FBRSL1: variants seen among roughly 807,000 people sequenced by gnomAD.
FBRSL1 encodes fibrosin like 1, also known as fibrosin-1-like protein.
In FBRSL1, 51 loss-of-function variants were observed where a neutral mutation model predicts 89.6. That is an observed-to-expected ratio of 0.57 (90% confidence interval 0.45 to 0.72). FBRSL1 has a LOEUF of 0.72. Among genes scored for constraint, FBRSL1 ranks in the 30% least tolerant of loss-of-function variants. The probability of loss-of-function intolerance (pLI) is 0.00; values close to 1 mark genes in which losing one functional copy is unlikely to be tolerated. For synonymous variants in FBRSL1, 779 were observed against 681.1 expected (o/e 1.14, Z -2.24); for missense variants, 1,618 against 1,451.8 (o/e 1.11, Z -1.86).
chr12:132,576,727 C>T, intron 14 of FBRSL1, 72 bp from the exon 15 acceptor site: 1 of 1,495,088 alleles, frequency 6.7e-7, no homozygotes, highest in Non-Finnish European at 9.0e-7. Context: ...CCCTGTGGCC[C>T]CTCAGGCCTG....
At position 132,546,332 on chromosome 12, in the gene FBRSL1, C is replaced by T. The variant is rs2037681382; in HGVS notation, c.616-1671C>T. ...GTGGCCCAGCCCTTGGTGAGCTCCG[C>T]ACCTGCAGCCTCCGGGGCGGGATGG... On this transcript the variant is annotated intron_variant, in intron 4 of 18. Coordinates refer to ENST00000680143, the MANE Select transcript of FBRSL1 (RefSeq NM_001367871.1). This position sits in a 1 kb window ranked among gnomAD's most constrained non-coding sequence, Gnocchi z 4.0. Among the ~76,000 whole-genome samples the T allele has an allele frequency of 6.6e-6, 1 of 152,272 alleles. No individual in the cohort carries two copies. The highest frequency in any genetic ancestry group is 1.5e-5 in the Non-Finnish European group (1 of 68,048).
intron 4 of FBRSL1, among the ~76,000 whole-genome samples, chr12:132,541,273 CA>C (rs2037244878): frequency 6.6e-6 from 1 of 152,194 alleles, no homozygotes. Context: ...ACGTCAGGTG[CA>C]AATCCACTCA....
At chr12:132,510,341 G>C (rs570377534) in intron 2 of FBRSL1, 1 of 1,231,158 alleles carries the variant, frequency 8.1e-7, no homozygotes, top group Non-Finnish European at 1.0e-6. Context: ...CCCGGCTCTC[G>C]CTCCTGGCCC....
At chr12:132,571,610 A>G in intron 9 of FBRSL1, 1 of 972,584 alleles carries the variant, frequency 1.0e-6, no homozygotes, top group Non-Finnish European at 1.4e-6. Flanking sequence ...ACGCTCGCAC[A>G]CACACCAGCC....
intron 2 of FBRSL1, chr12:132,510,738 G>A (rs1201763569): frequency 1.1e-5 from 13 of 1,203,062 alleles, no homozygotes; most frequent in African/African-American, 6.3e-5. Flanking sequence ...CCCCACTGGC[G>A]TCACAGTGCC....
chr12:132,511,529 G>A (rs2034340591), intron 2 of FBRSL1: 11 of 985,902 alleles, frequency 1.1e-5, no homozygotes, highest in Non-Finnish European at 1.3e-5. Context: ...GTTTGGGGGG[G>A]CTTTGACTGT....
At chr12:132,523,583 C>T (rs1398979856) in intron 2 of FBRSL1, among the ~76,000 whole-genome samples, 2 of 152,200 alleles carry the variant, frequency 1.3e-5, no homozygotes, top group Non-Finnish European at 2.9e-5. Context: ...ACCTCCCTTC[C>T]CATCGGCCAG....
chr12:132,539,137 C>T (rs915821889), intron 4 of FBRSL1, among the ~76,000 whole-genome samples: 3 of 152,096 alleles, frequency 2.0e-5, no homozygotes, highest in Non-Finnish European at 4.4e-5. Context: ...ACACACTGCC[C>T]GGCCCCCACC....
At chr12:132,514,167 G>T (rs928269539) in intron 2 of FBRSL1, among the ~76,000 whole-genome samples, 15 of 152,214 alleles carry the variant, frequency 9.9e-5, no homozygotes, top group African/African-American at 3.6e-4. Flanking sequence ...GAGACAGGCT[G>T]GGATAGCATG....
chr12:132,492,829 C>T (rs2136305962), intron 1 of FBRSL1, among the ~76,000 whole-genome samples: 1 of 152,370 alleles, frequency 6.6e-6, no homozygotes, highest in Middle Eastern at 3.4e-3. Context: ...TGGGAAAGTA[C>T]GGGGCTTCTG....
intron 4 of FBRSL1, among the ~76,000 whole-genome samples, chr12:132,534,514 C>A (rs920658738): frequency 1.3e-5 from 2 of 152,246 alleles, no homozygotes; most frequent in African/African-American, 2.4e-5. Flanking sequence ...CCCTGTCCAC[C>A]TTTTTCTCCT....
chr12:132,537,754 C>A (rs560748714), intron 4 of FBRSL1, among the ~76,000 whole-genome samples: 2 of 152,308 alleles, frequency 1.3e-5, no homozygotes, highest in South Asian at 2.1e-4. Flanking sequence ...ACAGGCAATG[C>A]GGACTTCAGA....
chr12:132,490,916 T>C, intron 1 of FBRSL1, 55 bp downstream of exon 1: 1 of 1,154,450 alleles, frequency 8.7e-7, no homozygotes, highest in Non-Finnish European at 1.1e-6. Flanking sequence ...GGCCCGGAGT[T>C]GACGCGTCGG....
intron 4 of FBRSL1, among the ~76,000 whole-genome samples, chr12:132,545,629 G>A (rs969699386): frequency 6.6e-6 from 1 of 152,210 alleles, no homozygotes; most frequent in African/African-American, 2.4e-5. Flanking sequence ...AACCAGGTCC[G>A]GGCTTGTGGG....
At chr12:132,527,611 GC>G in intron 3 of FBRSL1, among the ~76,000 whole-genome samples, 3 of 150,314 alleles carry the variant, frequency 2.0e-5, no homozygotes. Flanking sequence ...AGGGTTGAGG[GC>G]TGCGGGGCTG....
chr12:132,502,572 C>T (rs1183904273), intron 1 of FBRSL1, among the ~76,000 whole-genome samples: 2 of 152,134 alleles, frequency 1.3e-5, no homozygotes, highest in African/African-American at 4.8e-5. Flanking sequence ...CAGCCTCTTT[C>T]ACCCTCCAGG....
At chr12:132,510,811 G>A in intron 2 of FBRSL1, 1 of 1,117,180 alleles carries the variant, frequency 9.0e-7, no homozygotes, top group Non-Finnish European at 1.1e-6. Context: ...CCTGAGGGCG[G>A]GGACCTTGCT....
chr12:132,503,150 C>T (rs1363771653), intron 1 of FBRSL1, among the ~76,000 whole-genome samples: 1 of 151,010 alleles, frequency 6.6e-6, no homozygotes, highest in Non-Finnish European at 1.5e-5. Flanking sequence ...ACCTCCTTGC[C>T]CCTAGAGTGC....
rs1166547283 is a variant in FBRSL1, at chr12:132,567,509, C to T, written c.674C>T (p.Ala225Val). 23 of 1,550,966 alleles carry T rather than the reference C, an allele frequency of 1.5e-5. No homozygotes were observed. The East Asian group carries it at 4.2e-4, about 28-fold the overall frequency. ...KASVGSEKLF[A>V]PGTDKGPALE... The stretch of plus-strand genomic sequence containing the variant: ...TCCGTGGGCTCTGAGAAGCTCTTTG[C>T]GCCGGGAACCGATAAAGGTAAGTGG... Residue 225 changes from alanine (A) to valine (V), a missense_variant, in exon 6 of 19, where the codon GCG (alanine) becomes GTG (valine). By Grantham distance (64) the Ala-to-Val change is moderately conservative (BLOSUM62 0). Coordinates refer to ENST00000680143, the MANE Select transcript of FBRSL1 (RefSeq NM_001367871.1).
Sources: gnomAD v4.1 joint callset for allele counts (sites outside exome capture counted in the v4.1 genomes callset) on GRCh38, gnomAD v4.1.1 for gene constraint, Gnocchi (gnomAD v3.1) non-coding constraint, MANE v1.5 for transcripts, NCBI Gene and HGNC (gene_info 2026-07-23, HGNC 2026-07-21) for gene names.